AKAP6: variants seen among roughly 807,000 people sequenced by gnomAD.
AKAP6 encodes the protein A-kinase anchor protein 6.
In AKAP6, 58 loss-of-function variants were observed where a neutral mutation model predicts 188.5. The observed-to-expected ratio is 0.31, with a 90% CI of 0.25 to 0.38. The LOEUF is 0.38. Ranked by LOEUF, AKAP6 falls within the 10% of genes least tolerant of loss-of-function variation. AKAP6 has a pLI of 1.00. For missense variants in AKAP6, 2,710 were observed against 2,740.0 expected (o/e 0.99, Z 0.24); for synonymous variants, 989 against 998.6 (o/e 0.99, Z 0.18).
At chr14:32,551,403 C>G (rs886157487) in intron 4 of AKAP6, among the ~76,000 whole-genome samples, 7 of 151,770 alleles carry the variant, frequency 4.6e-5, no homozygotes, top group Admixed American at 3.9e-4. Context: ...GAAACCCCAT[C>G]TCTACTAAAT....
chr14:32,441,839 A>T lies in AKAP6; in HGVS notation c.324+8022A>T, dbSNP rs1463809907. ...ATACAGGTTTTACAATTTGAAAGAA[A>T]TAATGAAAACAGTTTAGAGAAAGTA... is the stretch of plus-strand genomic sequence containing the variant. On this transcript the variant is annotated intron_variant, in intron 2 of 13. Transcript: ENST00000280979. Among the ~76,000 whole-genome samples the T allele has an allele frequency of 2.6e-5, 4 of 152,260 alleles. 1 individual carries two copies. Among genetic ancestry groups the T allele is most frequent in the Admixed American group, 2.6e-4 (4 of 15,290 alleles).
intron 9 of AKAP6, among the ~76,000 whole-genome samples, chr14:32,725,933 A>G (rs1176899380): frequency 6.6e-6 from 1 of 152,198 alleles, no homozygotes; most frequent in African/African-American, 2.4e-5. Flanking sequence ...ATTAGCAAAC[A>G]ATGTCCCCTT....
intron 2 of AKAP6, among the ~76,000 whole-genome samples, chr14:32,522,605 G>A (rs747816099): frequency 1.3e-5 from 2 of 152,148 alleles, no homozygotes; most frequent in Non-Finnish European, 2.9e-5. Flanking sequence ...ATCATCACTG[G>A]CCATCAGAGA....
In AKAP6 at chr14:32,568,419, T is replaced by C. The variant is rs1884302441; in HGVS notation, c.2347-8701T>C. On this transcript the variant is annotated intron_variant, in intron 4 of 13. Coordinates refer to ENST00000280979, the MANE Select transcript of AKAP6 (RefSeq NM_004274.5). This position sits in a 1 kb window ranked among gnomAD's most constrained non-coding sequence, Gnocchi z 6.2. ...CTTCACAAGTTATTAGTAGGATAGATGGTAGATGTACCTAAATGTTAAATA... is the reference window on the plus strand; with the variant it reads ...CTTCACAAGTTATTAGTAGGATAGACGGTAGATGTACCTAAATGTTAAATA... 6.6e-6 allele frequency among the ~76,000 whole-genome samples: 1 copy of C among 152,204 alleles called. No individual in the cohort carries two copies. The highest frequency in any genetic ancestry group is 2.1e-4 in the South Asian group (1 of 4,836).
At chr14:32,713,643 A>C (rs778986651) in intron 9 of AKAP6, among the ~76,000 whole-genome samples, 1 of 151,998 alleles carries the variant, frequency 6.6e-6, no homozygotes, top group Non-Finnish European at 1.5e-5. Context: ...CTTAAACCTC[A>C]TGAACCAACC....
At position 32,602,472 on chromosome 14, in the gene AKAP6, G is replaced by A. The variant is rs181812287; in HGVS notation, c.2730+1680G>A. ...ATCACACCACTGCACTCCAACCTGGGCAACAGAGAGAGATCCTGTCTCTAA... is the reference window on the plus strand; with the variant it reads ...ATCACACCACTGCACTCCAACCTGGACAACAGAGAGAGATCCTGTCTCTAA... On this transcript the variant is annotated intron_variant, in intron 7 of 13. Transcript: ENST00000280979. 2.9e-3 allele frequency among the ~76,000 whole-genome samples: 446 copies of A among 152,146 alleles called. 1 individual carries two copies. Among genetic ancestry groups the A allele is most frequent in the Non-Finnish European group, 3.2e-3 (220 of 67,996 alleles).
At chr14:32,377,251 GC>G (rs1888185880) in intron 1 of AKAP6, among the ~76,000 whole-genome samples, 1 of 152,038 alleles carries the variant, frequency 6.6e-6, no homozygotes. Context: ...TATTTCTCTC[GC>G]TCATTCTAGC....
At chr14:32,343,425 C>A (rs1257624177) in intron 1 of AKAP6, among the ~76,000 whole-genome samples, 1 of 151,394 alleles carries the variant, frequency 6.6e-6, no homozygotes, top group Non-Finnish European at 1.5e-5. Flanking sequence ...TGTGGCATAT[C>A]GGTGGTCAAG....
chr14:32,785,708 C>T (rs1174755076), intron 12 of AKAP6, among the ~76,000 whole-genome samples: 1 of 112,152 alleles, frequency 8.9e-6, no homozygotes, highest in Non-Finnish European at 1.9e-5. Context: ...CTTGCTTTGC[C>T]AGTCTTTGAA....
At chr14:32,781,423 G>T (rs1229086553) in intron 12 of AKAP6, among the ~76,000 whole-genome samples, 1 of 151,556 alleles carries the variant, frequency 6.6e-6, no homozygotes, top group Non-Finnish European at 1.5e-5. Context: ...TGAGTCATTA[G>T]TTTAAAACCT....
At chr14:32,603,148 G>A (rs548643898) in intron 7 of AKAP6, among the ~76,000 whole-genome samples, 4 of 152,278 alleles carry the variant, frequency 2.6e-5, no homozygotes, top group African/African-American at 9.6e-5. Flanking sequence ...AAGTGTGCAA[G>A]GGAAGCTGGG....
At chr14:32,742,207 A>G (rs1470054694) in intron 11 of AKAP6, among the ~76,000 whole-genome samples, 2 of 151,966 alleles carry the variant, frequency 1.3e-5, no homozygotes, top group African/African-American at 2.4e-5. Context: ...TTTCTGAAGT[A>G]TCACTTACAA....
intron 2 of AKAP6, among the ~76,000 whole-genome samples, chr14:32,469,377 A>G (rs1404549278): frequency 2.0e-5 from 3 of 152,206 alleles, no homozygotes; most frequent in African/African-American, 7.2e-5. Context: ...AAAAGTTTAT[A>G]CATTTAAAAA....
At chr14:32,487,664 C>G (rs996466296) in intron 2 of AKAP6, among the ~76,000 whole-genome samples, 1 of 152,212 alleles carries the variant, frequency 6.6e-6, no homozygotes, top group Admixed American at 6.5e-5. Context: ...CTGGTTTTTC[C>G]TCATCTTCAT....
chr14:32,690,765 G>A (rs1393727193), intron 8 of AKAP6, among the ~76,000 whole-genome samples: 1 of 152,104 alleles, frequency 6.6e-6, no homozygotes, highest in Non-Finnish European at 1.5e-5. Context: ...AAGAAAAACT[G>A]ACTTCAAGTT....
chr14:32,821,646 C>T lies in AKAP6; in HGVS notation c.3833C>T (p.Thr1278Ile), dbSNP rs2034522139. ...HGGSQYASNI[T>I]APSSPHIYQV... ...GGATCTCAGTATGCCTCAAATATTACTGCCCCCTCTAGTCCACACATTTAC... is the reference window on the plus strand; with the variant it reads ...GGATCTCAGTATGCCTCAAATATTATTGCCCCCTCTAGTCCACACATTTAC... Residue 1278 changes from threonine (T) to isoleucine (I), a missense_variant, in exon 13 of 14, where the codon ACT becomes ATT. Thr to Ile is a moderately conservative substitution (Grantham distance 89). Around this residue, in one of 2 missense-constraint regions of AKAP6, gnomAD observed 2,473 missense variants for 2,426.1 expected, o/e 1.02. Transcript: ENST00000280979. 7 of 1,613,744 alleles carry T rather than the reference C, an allele frequency of 4.3e-6. No homozygotes were observed. The highest frequency in any genetic ancestry group is 5.9e-6 in the Non-Finnish European group (7 of 1,179,894).
At position 32,545,808 on chromosome 14, in the gene AKAP6, G is replaced by A. The variant is rs7150894; in HGVS notation, c.1155G>A (p.Thr385=). ...TTAATTATAACGAGGACTCTCCCAC[G>A]CAGCCTACATTGCCAAAAAGAGGAC... The part of the protein sequence containing the change: ...DCFNYNEDSP[T]QPTLPKRGLF... Residue 385 remains threonine, a synonymous_variant, in exon 4 of 14, where the codon ACG becomes ACA. Transcript: ENST00000280979. 1,090,509 of 1,614,018 alleles carry A rather than the reference G, an allele frequency of 0.68. 372,407 individuals carry two copies. The highest frequency in any genetic ancestry group is 0.93 in the African/African-American group (69,879 of 75,036).
At chr14:32,512,399 T>C (rs1009727356) in intron 2 of AKAP6, among the ~76,000 whole-genome samples, 3 of 152,218 alleles carry the variant, frequency 2.0e-5, no homozygotes, top group Non-Finnish European at 4.4e-5. Flanking sequence ...ACGAAATTAA[T>C]CTGGAGGTTT....
chr14:32,620,900 T>A (rs1251778732), intron 7 of AKAP6, among the ~76,000 whole-genome samples: 1 of 152,006 alleles, frequency 6.6e-6, no homozygotes, highest in East Asian at 1.9e-4. Flanking sequence ...AGGAGGGTCA[T>A]AAGTTCCCTG....
Sources: gnomAD v4.1 joint callset for allele counts (sites outside exome capture counted in the v4.1 genomes callset) on GRCh38, gnomAD v4.1.1 for gene constraint, gnomAD v4.1.1 regional missense constraint, Gnocchi (gnomAD v3.1) non-coding constraint, MANE v1.5 for transcripts, NCBI Gene and HGNC (gene_info 2026-07-23, HGNC 2026-07-21) for gene names.